UGT2B7: variants seen among roughly 807,000 people sequenced by gnomAD.
UGT2B7 encodes UDP glucuronosyltransferase family 2 member B7.
In UGT2B7, 51 loss-of-function variants were observed where a neutral mutation model predicts 51.9. The ratio of observed to expected loss-of-function variants is 0.98; its 90% confidence interval spans 0.78 to 1.24. The LOEUF is 1.24. UGT2B7 is among the 50% of genes most tolerant of loss of function. UGT2B7 has a pLI of 0.00. For missense variants in UGT2B7, 727 were observed against 628.4 expected, an observed-to-expected ratio of 1.16 and a Z score of -1.68; for synonymous variants, 225 against 211.6, an observed-to-expected ratio of 1.06 and a Z score of -0.55.
intron 1 of UGT2B7, among the ~76,000 whole-genome samples, chr4:69,063,293 T>C: frequency 8.7e-6 from 1 of 114,748 alleles, no homozygotes; most frequent in African/African-American, 3.6e-5. Flanking sequence ...TACTCCAGCC[T>C]GGGCGACAGA....
At chr4:69,088,783 G>T (rs935047783) in intron 1 of UGT2B7, among the ~76,000 whole-genome samples, 1 of 152,018 alleles carries the variant, frequency 6.6e-6, no homozygotes, top group Non-Finnish European at 1.5e-5. Flanking sequence ...CAACTCTATA[G>T]CCACTCCTAA....
chr4:69,064,026 A>AAGAAAGAAAGACAGAC (rs1560499595), intron 1 of UGT2B7, among the ~76,000 whole-genome samples: 1 of 60,312 alleles, frequency 1.7e-5, no homozygotes, highest in Non-Finnish European at 3.1e-5. Context: ...ATGGGAAAGA[A>AAGAAAGAAAGACAGAC]AGAAAGAAAG....
At chr4:69,069,327 A>T (rs995928696) in intron 1 of UGT2B7, among the ~76,000 whole-genome samples, 24 of 151,162 alleles carry the variant, frequency 1.6e-4, no homozygotes, top group South Asian at 4.2e-4. Context: ...GGTCCATTAA[A>T]TTTTTTTTTC....
At chr4:69,069,882 A>G (rs1407574463) in intron 1 of UGT2B7, 1 of 152,120 alleles carries the variant, frequency 6.6e-6, no homozygotes, top group Non-Finnish European at 1.5e-5. Context: ...GAAAGAAAAG[A>G]GAGTACATCT....
chr4:69,102,475 A>T (rs1253553296), intron 2 of UGT2B7, among the ~76,000 whole-genome samples: 5 of 152,152 alleles, frequency 3.3e-5, no homozygotes, highest in Admixed American at 6.6e-5. Context: ...TAACTTTAGT[A>T]TTGTAAGAGA....
intron 2 of UGT2B7, among the ~76,000 whole-genome samples, chr4:69,090,078 G>A (rs934744574): frequency 4.6e-5 from 7 of 152,068 alleles, no homozygotes; most frequent in Admixed American, 6.6e-5. Flanking sequence ...TTAGATTCAC[G>A]TAGTCTTTCT....
intron 1 of UGT2B7, among the ~76,000 whole-genome samples, chr4:69,056,702 T>C (rs1718211538): frequency 6.6e-6 from 1 of 152,020 alleles, no homozygotes; most frequent in Non-Finnish European, 1.5e-5. Flanking sequence ...CTTCTTCAAA[T>C]GATAAAAAGC....
At chr4:69,112,398 T>C in intron 5 of UGT2B7, 59 bp from the exon 6 acceptor site, 2 of 1,563,996 alleles carry the variant, frequency 1.3e-6, no homozygotes, top group Non-Finnish European at 1.7e-6. Flanking sequence ...ACTCGGTGTC[T>C]GAGGGGTTTT....
At chr4:69,089,181 A>G (rs1719029891) in intron 1 of UGT2B7, among the ~76,000 whole-genome samples, 1 of 152,190 alleles carries the variant, frequency 6.6e-6, no homozygotes, top group Non-Finnish European at 1.5e-5. Flanking sequence ...TTTGCAAACC[A>G]TTATGATTTT....
intron 2 of UGT2B7, 28 bp downstream of exon 2, chr4:69,098,716 T>C: frequency 6.2e-7 from 1 of 1,601,606 alleles, no homozygotes; most frequent in Non-Finnish European, 8.5e-7. Context: ...GGTTTTATTT[T>C]GTTGGCTTTG....
intron 1 of UGT2B7, among the ~76,000 whole-genome samples, chr4:69,055,116 A>G (rs1380786851): frequency 1.3e-5 from 2 of 149,514 alleles, no homozygotes; most frequent in Admixed American, 1.3e-4. Context: ...AAAAAAAAAA[A>G]AAAAAAAAAA....
Position 69,076,104 on chromosome 4 carries a change from T to C in UGT2B7, c.-158-13368T>C, listed in dbSNP as rs989363830. 2.6e-5 allele frequency among the ~76,000 whole-genome samples: 4 copies of C among 152,206 alleles called. No individual in the cohort carries two copies. The South Asian group carries it at 8.3e-4, about 31-fold the overall frequency. ...TTCATCCATGTCCCTGCAAAGGACA[T>C]GTACTCATCCTTTTTTATGTGTGCA... On this transcript the variant is annotated intron_variant, in intron 1 of 5. Transcript: ENST00000502942.
At chr4:69,078,098 T>C (rs531295665) in intron 1 of UGT2B7, among the ~76,000 whole-genome samples, 1 of 152,248 alleles carries the variant, frequency 6.6e-6, no homozygotes, top group South Asian at 2.1e-4. Context: ...CATGGATTCC[T>C]TTTTTTGATT....
At chr4:69,094,129 CTTTTTTTTTTT>C (rs71204074), upstream of UGT2B7, among the ~76,000 whole-genome samples, 1 of 54,116 alleles carries the variant, frequency 1.8e-5, no homozygotes, top group African/African-American at 1.1e-4. Context: ...GTTTTGGTTT[CTTTTTTTTTTT>C]TTTTTTTTTT....
intron 1 of UGT2B7, among the ~76,000 whole-genome samples, chr4:69,074,397 G>C (rs1162389874): frequency 6.9e-6 from 1 of 144,692 alleles, no homozygotes; most frequent in Non-Finnish European, 1.5e-5. Flanking sequence ...ATTTCGTTCA[G>C]CCTGGACGAT....
chr4:69,099,007 A>C (rs1413277983), intron 2 of UGT2B7, among the ~76,000 whole-genome samples: 1 of 152,004 alleles, frequency 6.6e-6, no homozygotes, highest in African/African-American at 2.4e-5. Context: ...AGCACAAAAC[A>C]CAGGTAAGTG....
Position 69,096,756 on chromosome 4 carries a change from C to T in UGT2B7, c.236C>T (p.Thr79Ile), listed in dbSNP as rs2109883120. The T allele has an allele frequency of 1.2e-6, 2 of 1,614,006 alleles. No homozygotes were observed. Among genetic ancestry groups the T allele is most frequent in the Non-Finnish European group, 8.5e-7 (1 of 1,179,928 alleles). Residue 79 changes from threonine (T) to isoleucine (I), a missense_variant, in exon 1 of 6, where the codon ACA becomes ATA. Coordinates refer to ENST00000305231, the MANE Select transcript of UGT2B7 (RefSeq NM_001074.4). ...GCTCTTAAAATTGAAATTTATCCCA[C>T]ATCTTTAACTAAAACTGAGTTGGAG... ...SSALKIEIYP[T>I]SLTKTELENF... is the part of the protein sequence containing the mutation.
intron 1 of UGT2B7, among the ~76,000 whole-genome samples, chr4:69,065,585 T>C (rs1393991640): frequency 6.6e-6 from 1 of 152,240 alleles, no homozygotes; most frequent in Non-Finnish European, 1.5e-5. Flanking sequence ...TAAAATTTTT[T>C]CTTGGAAGAA....
intron 1 of UGT2B7, among the ~76,000 whole-genome samples, chr4:69,060,939 C>T (rs1279731259): frequency 6.6e-6 from 1 of 152,182 alleles, no homozygotes; most frequent in African/African-American, 2.4e-5. Flanking sequence ...CCCTTCATTG[C>T]TGAGTGGATG....
Sources: allele counts gnomAD v4.1 joint callset (sites outside exome capture counted in the v4.1 genomes callset), GRCh38; gene constraint gnomAD v4.1.1; transcripts MANE v1.5; gene names NCBI Gene and HGNC (gene_info 2026-07-23, HGNC 2026-07-21).